SREK1IP1: variants seen among roughly 807,000 people sequenced by gnomAD.
SREK1IP1 encodes protein SREK1IP1.
In SREK1IP1, 12 loss-of-function variants were observed where a neutral mutation model predicts 22.8. The observed-to-expected ratio is 0.53, with a 90% CI of 0.34 to 0.85. SREK1IP1 has a LOEUF of 0.85. Ranked by LOEUF, SREK1IP1 falls within the 40% of genes least tolerant of loss-of-function variation. The probability of loss-of-function intolerance (pLI) is 0.02; values close to 1 mark genes in which losing one functional copy is unlikely to be tolerated. For synonymous variants in SREK1IP1, 53 were observed against 52.7 expected, an observed-to-expected ratio of 1.01 and a Z score of -0.02; for missense variants, 147 against 171.8, an observed-to-expected ratio of 0.86 and a Z score of 0.81.
At chr5:64,745,383 G>A (rs1195388584) in intron 2 of SREK1IP1, among the ~76,000 whole-genome samples, 1 of 152,148 alleles carries the variant, frequency 6.6e-6, no homozygotes, top group Non-Finnish European at 1.5e-5. Flanking sequence ...TTGAGTCCAA[G>A]AGTTCAAGAC....
chr5:64,756,332 T>C (rs533562249), intron 1 of SREK1IP1, among the ~76,000 whole-genome samples: 1 of 152,330 alleles, frequency 6.6e-6, no homozygotes, highest in South Asian at 2.1e-4. Context: ...CTCTTCCCTC[T>C]AGCCCCTAGT....
intron 2 of SREK1IP1, among the ~76,000 whole-genome samples, chr5:64,744,199 C>T (rs1364261190): frequency 6.6e-6 from 1 of 151,982 alleles, no homozygotes; most frequent in Non-Finnish European, 1.5e-5. Context: ...ACCTCCCAAG[C>T]GCAGGTAGGG....
At chr5:64,731,540 A>G (rs1742381165) in intron 3 of SREK1IP1, among the ~76,000 whole-genome samples, 1 of 149,634 alleles carries the variant, frequency 6.7e-6, no homozygotes, top group Non-Finnish European at 1.5e-5. Context: ...AAAAAAAAAG[A>G]GGACAGGAAT....
intron 3 of SREK1IP1, among the ~76,000 whole-genome samples, chr5:64,740,654 T>G (rs1742537562): frequency 6.6e-6 from 1 of 152,268 alleles, no homozygotes; most frequent in African/African-American, 2.4e-5. Context: ...ATGAGCATCA[T>G]TTGACAATCC....
At chr5:64,728,036 A>G (rs2112086664) in intron 4 of SREK1IP1, 71 bp downstream of exon 4, 2 of 1,133,278 alleles carry the variant, frequency 1.8e-6, no homozygotes, top group African/African-American at 1.7e-5. Context: ...TATACACAAA[A>G]AATAAAATTT....
At chr5:64,726,900 A>AT (rs1160683001) in intron 4 of SREK1IP1, among the ~76,000 whole-genome samples, 2 of 152,224 alleles carry the variant, frequency 1.3e-5, no homozygotes, top group Admixed American at 6.5e-5. Flanking sequence ...TTGAAAGATC[A>AT]TATCAAACCA....
intron 3 of SREK1IP1, among the ~76,000 whole-genome samples, chr5:64,740,832 C>A (rs1204917329): frequency 2.0e-5 from 3 of 152,010 alleles, no homozygotes; most frequent in Non-Finnish European, 4.4e-5. Flanking sequence ...AAAACAACAA[C>A]AAAAAACATA....
intron 1 of SREK1IP1, among the ~76,000 whole-genome samples, chr5:64,755,212 A>G (rs1170430376): frequency 7.4e-6 from 1 of 134,844 alleles, no homozygotes; most frequent in Non-Finnish European, 1.6e-5. Context: ...ATTACTGGGT[A>G]TATATCCAAA....
intron 2 of SREK1IP1, among the ~76,000 whole-genome samples, chr5:64,744,109 G>C (rs929272868): frequency 1.3e-5 from 2 of 152,046 alleles, no homozygotes; most frequent in Non-Finnish European, 2.9e-5. Flanking sequence ...ATGACCTTCT[G>C]GGGGCATTCC....
rs1403921843 is a variant in SREK1IP1 at position 64,718,965 on chromosome 5, T to C, written c.*5419A>G. Reference sequence around the variant, plus strand: ...TGTGCTGAATACAGCTTCTCTGGTCTGATATATAAAAAAGAATACCTTATT... The same window carrying C: ...TGTGCTGAATACAGCTTCTCTGGTCCGATATATAAAAAAGAATACCTTATT... On this transcript the variant is annotated 3_prime_UTR_variant, in exon 5 of 5. Coordinates refer to ENST00000513458, the MANE Select transcript of SREK1IP1 (RefSeq NM_173829.4). 1 of 152,242 alleles carries C rather than the reference T, an allele frequency of 6.6e-6. No homozygotes were observed. The highest frequency in any genetic ancestry group is 1.5e-5 in the Non-Finnish European group (1 of 68,040). 9.4% of individuals were successfully genotyped at this position (152,242 alleles called of 1,614,324 possible).
At chr5:64,726,113 G>A (rs1358203945) in intron 4 of SREK1IP1, among the ~76,000 whole-genome samples, 1 of 151,260 alleles carries the variant, frequency 6.6e-6, no homozygotes, top group Non-Finnish European at 1.5e-5. Context: ...TCAGGTGATC[G>A]ACCCACCTTA....
At chr5:64,757,331 G>A (rs926256305) in intron 1 of SREK1IP1, among the ~76,000 whole-genome samples, 4 of 152,196 alleles carry the variant, frequency 2.6e-5, no homozygotes, top group African/African-American at 7.2e-5. Context: ...AGGAATTCAC[G>A]GTTACAGTGA....
chr5:64,758,950 C>T (rs958808865), intron 1 of SREK1IP1, among the ~76,000 whole-genome samples: 25 of 152,172 alleles, frequency 1.6e-4, no homozygotes, highest in African/African-American at 3.4e-4. Context: ...CTTTAATTTT[C>T]GTGATTGTCT....
At chr5:64,738,869 C>T (rs1228761026) in intron 3 of SREK1IP1, among the ~76,000 whole-genome samples, 1 of 152,140 alleles carries the variant, frequency 6.6e-6, no homozygotes, top group Non-Finnish European at 1.5e-5. Context: ...TATTTTCACG[C>T]TTGGCTAATA....
At chr5:64,752,244 CG>C (rs1742759051) in intron 2 of SREK1IP1, among the ~76,000 whole-genome samples, 1 of 149,518 alleles carries the variant, frequency 6.7e-6, no homozygotes, top group African/African-American at 2.5e-5. Flanking sequence ...CTCCACCTCC[CG>C]GGTTCACGCC....
rs549038558 is a variant in SREK1IP1, at chr5:64,754,648, A to T, written c.14-286T>A. ...CTGGCTAACTTTTAAATTTTTTTGC[A>T]GAGATGAGGTTGTGCTTTGTTGCCC... is the stretch of plus-strand genomic sequence containing the variant. On this transcript the variant is annotated intron_variant, in intron 1 of 4. Transcript: ENST00000513458. 2.2e-4 allele frequency: 64 copies of T among 288,862 alleles called. No homozygotes were observed. In the South Asian group the frequency reaches 3.2e-3, roughly 15 times the overall value. 17.9% of individuals were successfully genotyped at this position (288,862 alleles called of 1,614,324 possible). A position where few individuals can be genotyped will look rare whatever the true frequency, so the allele number is the denominator to read the frequency against.
chr5:64,757,925 A>G (rs1561391865), intron 1 of SREK1IP1, among the ~76,000 whole-genome samples: 1 of 120,620 alleles, frequency 8.3e-6, no homozygotes, highest in African/African-American at 3.2e-5. Flanking sequence ...GCTGGAGTGC[A>G]GTGGCGTGAT....
In SREK1IP1 at chr5:64,768,645, G is replaced by A. The variant is rs528740959; in HGVS notation, c.-128C>T. The A allele has an allele frequency of 1.2e-4, 157 of 1,344,312 alleles. No individual in the cohort carries two copies. Among genetic ancestry groups the A allele is most frequent in the Non-Finnish European group, 1.5e-4 (145 of 950,594 alleles). The allele number at this position is 1,344,312 out of a possible 1,614,324, so 83.3% of individuals were successfully genotyped here. Reference sequence around the variant, plus strand: ...CCCAGCGCAGCAGCACCCTCGCTACGGTCGGGAAGGGCCTGTACGCCTCTA... The same window carrying A: ...CCCAGCGCAGCAGCACCCTCGCTACAGTCGGGAAGGGCCTGTACGCCTCTA... On this transcript the variant is annotated 5_prime_UTR_variant, in exon 1 of 5. Coordinates refer to ENST00000513458, the MANE Select transcript of SREK1IP1 (RefSeq NM_173829.4).
At chr5:64,755,996 A>G (rs1742833525) in intron 1 of SREK1IP1, among the ~76,000 whole-genome samples, 1 of 152,138 alleles carries the variant, frequency 6.6e-6, no homozygotes, top group East Asian at 1.9e-4. Flanking sequence ...TCTAAATTCA[A>G]CACTCAAATT....
Sources: gnomAD v4.1 joint callset for allele counts (sites outside exome capture counted in the v4.1 genomes callset) on GRCh38, gnomAD v4.1.1 for gene constraint, MANE v1.5 for transcripts, NCBI Gene and HGNC (gene_info 2026-07-23, HGNC 2026-07-21) for gene names.